Variants in MAGI3 observed in about 807,000 individuals in gnomAD.
MAGI3 encodes the protein membrane-associated guanylate kinase, WW and PDZ domain-containing protein 3.
Under a neutral mutation model 121.8 loss-of-function variants are expected in MAGI3, and 43 were observed. The observed-to-expected ratio is 0.35, with a 90% CI of 0.28 to 0.46. The LOEUF is 0.46. Ranked by LOEUF, MAGI3 falls within the 20% of genes least tolerant of loss-of-function variation. The probability of loss-of-function intolerance (pLI) is 1.00; values close to 1 mark genes in which losing one functional copy is unlikely to be tolerated. For synonymous variants in MAGI3, 553 were observed against 639.3 expected (o/e 0.86, Z 2.04); for missense variants, 1,547 against 1,797.3 (o/e 0.86, Z 2.52).
chr1:113,636,309 A>T (rs1414967498), intron 9 of MAGI3, among the ~76,000 whole-genome samples: 2 of 151,872 alleles, frequency 1.3e-5, no homozygotes, highest in Admixed American at 6.6e-5. Flanking sequence ...AGTTCTTTTA[A>T]TTGTGATGTT....
chr1:113,683,069 G>T lies in MAGI3; in HGVS notation c.3501G>T (p.Val1167=). The T allele has an allele frequency of 6.2e-7, 1 of 1,613,170 alleles. No homozygotes were observed. The change falls in exon 21 of 21, where the codon GTG becomes GTT. Residue 1167 remains valine (V), a synonymous_variant. Transcript: ENST00000307546. ...CEKAEELKDI[V]PEKKSTLNEN... is the part of the protein sequence containing the mutation. Reference sequence around the variant, plus strand: ...AGGCAGAAGAATTAAAGGACATTGTGCCTGAAAAGAAAAGCACTTTAAATG... The same window carrying T: ...AGGCAGAAGAATTAAAGGACATTGTTCCTGAAAAGAAAAGCACTTTAAATG...
chr1:113,542,819 A>T lies in MAGI3; in HGVS notation c.317-6696A>T, dbSNP rs1659351285. Among the ~76,000 whole-genome samples the T allele has an allele frequency of 2.6e-5, 4 of 152,276 alleles. No homozygotes were observed. In the South Asian group the frequency reaches 6.2e-4, roughly 24 times the overall value. On this transcript the variant is annotated intron_variant, in intron 1 of 20. Coordinates refer to ENST00000307546, the MANE Select transcript of MAGI3 (RefSeq NM_001142782.2). ...GAGGGAGAGAGAGAAAGAAACAGGGATATTCTAGGACAGCGCTTACAATGT... is the reference window on the plus strand; with the variant it reads ...GAGGGAGAGAGAGAAAGAAACAGGGTTATTCTAGGACAGCGCTTACAATGT...
chr1:113,628,347 A>G (rs1164453567), intron 9 of MAGI3, among the ~76,000 whole-genome samples: 1 of 151,938 alleles, frequency 6.6e-6, no homozygotes, highest in Non-Finnish European at 1.5e-5. Flanking sequence ...TTCCTTTTAA[A>G]TTTTTTGTTA....
chr1:113,474,130 T>A (rs909855001), intron 1 of MAGI3, among the ~76,000 whole-genome samples: 2 of 152,174 alleles, frequency 1.3e-5, no homozygotes, highest in Non-Finnish European at 2.9e-5. Flanking sequence ...TTCTTGTAAA[T>A]TTGTTTGAGT....
intron 16 of MAGI3, among the ~76,000 whole-genome samples, chr1:113,666,261 C>T (rs1346760631): frequency 1.3e-5 from 2 of 152,194 alleles, no homozygotes; most frequent in African/African-American, 4.8e-5. Flanking sequence ...CTCTCTGTAG[C>T]ATGTGATGCT....
chr1:113,653,796 C>T, intron 14 of MAGI3, 34 bp from the exon 15 acceptor site: 1 of 1,532,372 alleles, frequency 6.5e-7, no homozygotes, highest in Non-Finnish European at 8.8e-7. Context: ...TTATGATGTT[C>T]CAGACATATC....
At chr1:113,438,548 G>A (rs1463189243) in intron 1 of MAGI3, among the ~76,000 whole-genome samples, 1 of 152,170 alleles carries the variant, frequency 6.6e-6, no homozygotes, top group Non-Finnish European at 1.5e-5. Context: ...TCACAGTTAG[G>A]CAGGCTGTAC....
At position 113,568,154 on chromosome 1, in the gene MAGI3, A is replaced by G. The variant is rs1257780320; in HGVS notation, c.434-12388A>G. On this transcript the variant is annotated intron_variant, in intron 2 of 20. Coordinates refer to ENST00000307546, the MANE Select transcript of MAGI3 (RefSeq NM_001142782.2). ...AACTTTGGGGGATAATGGTTTCCAA[A>G]GTTCACATAATTGTACTATTAGAAT... Among the ~76,000 whole-genome samples the G allele has an allele frequency of 3.9e-5, 6 of 152,210 alleles. No individual in the cohort carries two copies. In the East Asian group the frequency reaches 7.7e-4, roughly 20 times the overall value.
intron 1 of MAGI3, among the ~76,000 whole-genome samples, chr1:113,402,301 C>G (rs1281538865): frequency 2.0e-5 from 3 of 152,074 alleles, no homozygotes; most frequent in Non-Finnish European, 4.4e-5. Flanking sequence ...ACCTGCAGCA[C>G]AGGAAAGAAT....
chr1:113,470,362 G>A (rs537227517), intron 1 of MAGI3, among the ~76,000 whole-genome samples: 2 of 151,996 alleles, frequency 1.3e-5, no homozygotes, highest in Non-Finnish European at 2.9e-5. Context: ...ATTCTAGTTT[G>A]TGGGAAAAGG....
intron 8 of MAGI3, among the ~76,000 whole-genome samples, chr1:113,621,522 T>C (rs2101787212): frequency 6.6e-6 from 1 of 152,226 alleles, no homozygotes; most frequent in South Asian, 2.1e-4. Context: ...TAGTAACTGC[T>C]GGAATTCCAC....
At chr1:113,623,102 AAAG>A (rs1203869300) in intron 9 of MAGI3, 108 bp downstream of exon 9, 53 of 754,504 alleles carry the variant, frequency 7.0e-5, no homozygotes, top group Admixed American at 1.7e-4. Flanking sequence ...TTATATAACT[AAAG>A]AAAGAGATTC....
At chr1:113,518,994 C>G (rs1435276007) in intron 1 of MAGI3, among the ~76,000 whole-genome samples, 2 of 152,066 alleles carry the variant, frequency 1.3e-5, no homozygotes, top group Non-Finnish European at 2.9e-5. Flanking sequence ...TTTGTTTCCC[C>G]CGTTACTACG....
chr1:113,632,896 T>G (rs1416982345), intron 9 of MAGI3, among the ~76,000 whole-genome samples: 1 of 140,904 alleles, frequency 7.1e-6, no homozygotes, highest in East Asian at 2.0e-4. Context: ...GTTTAGTTTT[T>G]TAGTTTTTTT....
At position 113,543,396 on chromosome 1, in the gene MAGI3, AATTT is replaced by A. The variant is rs1381121267; in HGVS notation, c.317-6114_317-6111del. Among the ~76,000 whole-genome samples, 7 of 152,356 alleles carry A rather than the reference AATTT, an allele frequency of 4.6e-5. No individual in the cohort carries two copies. In the East Asian group the frequency reaches 1.3e-3, roughly 29 times the overall value. Reference sequence around the variant, plus strand: ...TGAAGAATTGAAGAAATTGATGAAGAATTTATTTTAGTGTTTTGACTGAGCCAAA... The same window carrying A: ...TGAAGAATTGAAGAAATTGATGAAGAATTTTAGTGTTTTGACTGAGCCAAA... On this transcript the variant is annotated intron_variant, in intron 1 of 20. Coordinates refer to ENST00000307546, the MANE Select transcript of MAGI3 (RefSeq NM_001142782.2).
At chr1:113,511,680 C>T (rs1657622271) in intron 1 of MAGI3, among the ~76,000 whole-genome samples, 1 of 152,170 alleles carries the variant, frequency 6.6e-6, no homozygotes, top group South Asian at 2.1e-4. Context: ...TCTAGACAAC[C>T]TTGAACAGGT....
intron 1 of MAGI3, among the ~76,000 whole-genome samples, chr1:113,408,065 CA>C (rs1447349608): frequency 2.0e-5 from 3 of 152,072 alleles, no homozygotes; most frequent in Non-Finnish European, 4.4e-5. Context: ...TTTTAATTAG[CA>C]AATGTGCCTT....
intron 15 of MAGI3, among the ~76,000 whole-genome samples, chr1:113,654,808 C>A (rs1438522458): frequency 6.6e-6 from 1 of 152,000 alleles, no homozygotes; most frequent in Admixed American, 6.6e-5. Context: ...TAATAAAAAT[C>A]TTTGACCACA....
chr1:113,449,822 T>C (rs1476762990), intron 1 of MAGI3: 3 of 1,262,032 alleles, frequency 2.4e-6, no homozygotes, highest in African/African-American at 2.9e-5. Flanking sequence ...CACTCACAGA[T>C]TGTGTGGTAA....
Sources: allele counts gnomAD v4.1 joint callset (sites outside exome capture counted in the v4.1 genomes callset), GRCh38; gene constraint gnomAD v4.1.1; transcripts MANE v1.5; gene names NCBI Gene and HGNC (gene_info 2026-07-23, HGNC 2026-07-21).